The following TASP1 variants were observed in gnomAD, a reference collection of about 807,000 sequenced individuals.
TASP1 encodes the protein threonine aspartase 1.
In TASP1, 16 loss-of-function variants were observed where a neutral mutation model predicts 56.6. That is an observed-to-expected ratio of 0.28 (90% CI 0.19 to 0.43). The LOEUF is 0.43. TASP1 is among the 20% of genes least tolerant of loss of function. The pLI is 1.00. For synonymous variants in TASP1, 179 were observed against 184.2 expected (o/e 0.97, Z 0.23); for missense variants, 393 against 511.6 (o/e 0.77, Z 2.24).
the TASP1 span, chr20:13,126,466 T>C: frequency 1.8e-6 from 2 of 1,138,490 alleles, no homozygotes; most frequent in South Asian, 3.6e-5. Context: ...TTGGACCCCA[T>C]TCATCTTTTG....
intron 7 of TASP1, among the ~76,000 whole-genome samples, chr20:13,561,028 T>C (rs2046327760): frequency 2.0e-5 from 3 of 152,222 alleles, no homozygotes; most frequent in South Asian, 2.1e-4. Flanking sequence ...TCAGAAACTT[T>C]GGAAGCCAGA....
chr20:13,417,596 A>C, intron 12 of TASP1, 75 bp from the exon 13 acceptor site: 2 of 1,494,186 alleles, frequency 1.3e-6, no homozygotes, highest in Non-Finnish European at 1.8e-6. Flanking sequence ...TTAATAGAAC[A>C]GTTAAAGATA....
chr20:13,560,406 T>C (rs2046306255), intron 7 of TASP1, among the ~76,000 whole-genome samples: 3 of 152,150 alleles, frequency 2.0e-5, no homozygotes. Flanking sequence ...CTAAATGGCA[T>C]CAAGGAGAGG....
intron 9 of TASP1, among the ~76,000 whole-genome samples, chr20:13,530,064 TTTAGTTC>T (rs956325423): frequency 6.6e-6 from 1 of 152,160 alleles, no homozygotes; most frequent in Non-Finnish European, 1.5e-5. Context: ...AAACAGCTAT[TTTAGTTC>T]TCTTTTCTAA....
Position 13,528,413 on chromosome 20 carries a change from G to A in TASP1, c.874+20C>T, listed in dbSNP as rs903590513. 6.3e-7 allele frequency: 1 copy of A among 1,595,150 alleles called. No individual in the cohort carries two copies. The highest frequency in any genetic ancestry group is 1.1e-5 in the South Asian group (1 of 88,036). Reference sequence around the variant, plus strand: ...GACAAGGTTGAAGTTATGAGAAATGGTTATGAAAGCAGCAAATACCTGAGG... The same window carrying A: ...GACAAGGTTGAAGTTATGAGAAATGATTATGAAAGCAGCAAATACCTGAGG... On this transcript the variant is annotated intron_variant, in intron 10 of 13. Coordinates refer to ENST00000337743, the MANE Select transcript of TASP1 (RefSeq NM_017714.3).
At chr20:13,332,758 T>C in the TASP1 span, among the ~76,000 whole-genome samples, 1 of 152,246 alleles carries the variant, frequency 6.6e-6, no homozygotes, top group Non-Finnish European at 1.5e-5. Context: ...TTGGCTAACA[T>C]AGGCTATGAT....
chr20:13,545,365 T>C (rs2045769517), intron 8 of TASP1, among the ~76,000 whole-genome samples: 1 of 152,168 alleles, frequency 6.6e-6, no homozygotes, highest in Admixed American at 6.6e-5. Context: ...AGACTCTAAA[T>C]ACCCAAAGCC....
the TASP1 span, among the ~76,000 whole-genome samples, chr20:13,363,363 T>C: frequency 6.6e-6 from 1 of 152,292 alleles, no homozygotes; most frequent in East Asian, 1.9e-4. Context: ...GGTCAATTTA[T>C]TCATATGCTA....
At chr20:13,362,803 C>T in the TASP1 span, among the ~76,000 whole-genome samples, 2 of 68,198 alleles carry the variant, frequency 2.9e-5, no homozygotes, top group African/African-American at 9.6e-5. Context: ...TGTGAAATAG[C>T]AAGAAATATA....
intron 10 of TASP1, among the ~76,000 whole-genome samples, chr20:13,521,287 G>C (rs973414422): frequency 2.0e-5 from 3 of 152,114 alleles, no homozygotes; most frequent in African/African-American, 7.2e-5. Context: ...TATACCCAAA[G>C]GATTAGAAAT....
the TASP1 span, among the ~76,000 whole-genome samples, chr20:13,140,697 G>GA: frequency 6.6e-6 from 1 of 152,182 alleles, no homozygotes; most frequent in African/African-American, 2.4e-5. Flanking sequence ...GTTATTAGGA[G>GA]AAAAAAGTTG....
the TASP1 span, among the ~76,000 whole-genome samples, chr20:13,105,267 G>GA: frequency 0.21 from 31,745 of 149,544 alleles, 4,497 homozygotes; most frequent in African/African-American, 0.4. Context: ...CCTGCAGGAG[G>GA]AAAAAAAAAA....
intron 10 of TASP1, among the ~76,000 whole-genome samples, chr20:13,495,610 G>A (rs555879682): frequency 2.0e-5 from 3 of 152,168 alleles, no homozygotes; most frequent in African/African-American, 7.2e-5. Context: ...AAGAAGAAAG[G>A]GGCAAAATAC....
intron 11 of TASP1, among the ~76,000 whole-genome samples, chr20:13,475,041 G>C (rs2044671388): frequency 6.6e-6 from 1 of 151,918 alleles, no homozygotes; most frequent in African/African-American, 2.4e-5. Flanking sequence ...CACATAAATA[G>C]AACAAACATC....
At chr20:13,220,976 C>T in the TASP1 span, among the ~76,000 whole-genome samples, 6 of 152,188 alleles carry the variant, frequency 3.9e-5, no homozygotes, top group African/African-American at 1.4e-4. Flanking sequence ...TTGGTACAGC[C>T]CGGCAGGCTG....
the TASP1 span, among the ~76,000 whole-genome samples, chr20:13,175,358 T>A: frequency 6.6e-6 from 1 of 152,220 alleles, no homozygotes; most frequent in African/African-American, 2.4e-5. Flanking sequence ...CCTGAAATCA[T>A]AAGCTGTAAT....
intron 13 of TASP1, among the ~76,000 whole-genome samples, chr20:13,413,759 G>C (rs528054321): frequency 6.6e-6 from 1 of 152,002 alleles, no homozygotes; most frequent in Non-Finnish European, 1.5e-5. Context: ...TTACACAATC[G>C]TTCCGGGAAG....
chr20:13,292,055 AGTTT>A, the TASP1 span, among the ~76,000 whole-genome samples: 2 of 152,198 alleles, frequency 1.3e-5, no homozygotes, highest in East Asian at 3.9e-4. Flanking sequence ...CCTCTGGTTT[AGTTT>A]GTCACCCTGA....
At chr20:13,173,385 T>C in the TASP1 span, among the ~76,000 whole-genome samples, 3 of 152,162 alleles carry the variant, frequency 2.0e-5, no homozygotes, top group Admixed American at 6.6e-5. Context: ...ACACAGCCAG[T>C]TGGTCAGCAG....
Sources: gnomAD v4.1 joint callset for allele counts (sites outside exome capture counted in the v4.1 genomes callset) on GRCh38, gnomAD v4.1.1 for gene constraint, MANE v1.5 for transcripts, NCBI Gene and HGNC (gene_info 2026-07-23, HGNC 2026-07-21) for gene names.